Variants in MICU3 observed in about 807,000 individuals in gnomAD.
The protein encoded by MICU3 is mitochondrial calcium uptake 3, also known as calcium uptake protein 3, mitochondrial.
MICU3 carries 62 observed loss-of-function variants against 66.5 expected under a neutral mutation model. The observed-to-expected ratio is 0.93, with a 90% confidence interval of 0.76 to 1.15. MICU3 has a LOEUF of 1.15. MICU3 is among the 50% of genes most tolerant of loss of function. The pLI, the probability that MICU3 is intolerant of heterozygous loss-of-function variation, is 0.00. For synonymous variants in MICU3, 308 were observed against 240.7 expected, an observed-to-expected ratio of 1.28 and a Z score of -2.59; for missense variants, 779 against 664.4, an observed-to-expected ratio of 1.17 and a Z score of -1.90.
intron 2 of MICU3, among the ~76,000 whole-genome samples, chr8:17,065,353 C>T (rs1482244607): frequency 1.3e-5 from 2 of 152,078 alleles, no homozygotes; most frequent in African/African-American, 2.4e-5. Context: ...GGATTATTTC[C>T]ACTGGATATC....
chr8:17,067,959 A>C (rs1323231738), intron 2 of MICU3, among the ~76,000 whole-genome samples: 1 of 152,148 alleles, frequency 6.6e-6, no homozygotes, highest in African/African-American at 2.4e-5. Context: ...CTTATTTTGC[A>C]TACTTAAATA....
rs1161515096 is a variant in MICU3, at chr8:17,121,117, G to C, written c.*830G>C. ...CATGAAGCTGCTCCTGATCATAGGT[G>C]GTACACGTTAATAACACTAGTAAAA... On this transcript the variant is annotated 3_prime_UTR_variant, in exon 15 of 15. Transcript: ENST00000318063. 1 of 151,698 alleles carries C rather than the reference G, an allele frequency of 6.6e-6. No homozygotes were observed. Among genetic ancestry groups the C allele is most frequent in the Admixed American group, 6.6e-5 (1 of 15,236 alleles). The allele number at this position is 151,698 out of a possible 1,614,324, so 9.4% of individuals were successfully genotyped here.
intron 9 of MICU3, among the ~76,000 whole-genome samples, chr8:17,099,391 A>T (rs1456892361): frequency 3.3e-5 from 5 of 151,770 alleles, no homozygotes; most frequent in Non-Finnish European, 5.9e-5. Context: ...TAGAAGTTAC[A>T]CCTGAAAATA....
intron 11 of MICU3, 45 bp from the exon 12 acceptor site, chr8:17,114,048 A>ATTTT: frequency 8.7e-7 from 1 of 1,152,158 alleles, no homozygotes; most frequent in Non-Finnish European, 1.2e-6. Flanking sequence ...GATTTTAATA[A>ATTTT]ATTTGGCAAT....
downstream of MICU3, among the ~76,000 whole-genome samples, chr8:17,125,190 T>C (rs574499654): frequency 7.2e-5 from 11 of 152,244 alleles, no homozygotes; most frequent in South Asian, 2.1e-3. Context: ...TGTCTTTTTA[T>C]TGTACCTTTT....
At chr8:17,037,006 C>T (rs9942818) in intron 1 of MICU3, among the ~76,000 whole-genome samples, 4 of 152,076 alleles carry the variant, frequency 2.6e-5, no homozygotes, top group South Asian at 2.1e-4. Context: ...GCGCAGCGCC[C>T]GTGGGCTGGC....
the MICU3 span, among the ~76,000 whole-genome samples, chr8:17,134,849 C>T: frequency 6.6e-6 from 1 of 152,178 alleles, no homozygotes; most frequent in African/African-American, 2.4e-5. Context: ...TGTTAAACTC[C>T]TCCAAAAACA....
At chr8:17,137,437 G>A in the MICU3 span, among the ~76,000 whole-genome samples, 5 of 148,028 alleles carry the variant, frequency 3.4e-5, no homozygotes, top group African/African-American at 5.0e-5. Flanking sequence ...AAAACACTAC[G>A]ACAAGTTGAG....
chr8:17,056,707 A>C (rs1275376815), intron 1 of MICU3, among the ~76,000 whole-genome samples: 4 of 152,234 alleles, frequency 2.6e-5, no homozygotes, highest in African/African-American at 9.7e-5. Flanking sequence ...AAGGTATGCT[A>C]TCACAAGGGA....
chr8:17,129,416 A>G, the MICU3 span, among the ~76,000 whole-genome samples: 39 of 152,238 alleles, frequency 2.6e-4, no homozygotes, highest in Non-Finnish European at 4.9e-4. Context: ...ATAATAGCAT[A>G]ATAGGTAAAG....
intron 8 of MICU3, 96 bp from the exon 9 acceptor site, chr8:17,098,362 T>C (rs976900274): frequency 1.6e-5 from 14 of 860,530 alleles, no homozygotes; most frequent in Admixed American, 9.1e-5. Context: ...AGCTAATGTG[T>C]TTCCTTTTCA....
At chr8:17,123,948 T>TAA (rs11366018), downstream of MICU3, among the ~76,000 whole-genome samples, 2 of 139,622 alleles carry the variant, frequency 1.4e-5, no homozygotes, top group African/African-American at 5.2e-5. Context: ...CTAAAGTCTT[T>TAA]AAAAAAAAAA....
At chr8:17,046,417 G>A (rs553075837) in intron 1 of MICU3, among the ~76,000 whole-genome samples, 14 of 152,176 alleles carry the variant, frequency 9.2e-5, no homozygotes, top group African/African-American at 1.9e-4. Flanking sequence ...TGGTTTAAGC[G>A]TTTACAAACA....
At position 17,037,166 on chromosome 8, in the gene MICU3, C is replaced by G. The variant is rs538222782; in HGVS notation, c.381+9506C>G. 2.0e-5 allele frequency among the ~76,000 whole-genome samples: 3 copies of G among 152,248 alleles called. No homozygotes were observed. The South Asian group carries it at 6.2e-4, about 32-fold the overall frequency. On this transcript the variant is annotated intron_variant, in intron 1 of 14. Transcript: ENST00000318063. ...GGAACTCCAGCTGGCCCACAAGCGC[C>G]ACACGCAGCCCCAGTTCCTGCTCGC...
chr8:17,054,738 C>CTTTTTTTTTTTTTTT, intron 1 of MICU3, among the ~76,000 whole-genome samples: 1 of 122,772 alleles, frequency 8.1e-6, no homozygotes, highest in Non-Finnish European at 1.7e-5. Flanking sequence ...TTCTTTCTTT[C>CTTTTTTTTTTTTTTT]TTTTTTTTTT....
At chr8:17,102,807 A>G (rs1801383943) in intron 9 of MICU3, 1 of 151,944 alleles carries the variant, frequency 6.6e-6, no homozygotes, top group South Asian at 2.1e-4. Flanking sequence ...ATCCTCAAAG[A>G]AGTTGGTTTT....
At chr8:17,109,504 GA>G (rs1286023593) in intron 11 of MICU3, among the ~76,000 whole-genome samples, 4 of 151,752 alleles carry the variant, frequency 2.6e-5, no homozygotes, top group Non-Finnish European at 5.9e-5. Flanking sequence ...GAAGAGAGAT[GA>G]AAAAAAATTC....
intron 11 of MICU3, among the ~76,000 whole-genome samples, chr8:17,112,201 T>G (rs1287472069): frequency 6.6e-6 from 1 of 152,248 alleles, no homozygotes; most frequent in Non-Finnish European, 1.5e-5. Context: ...ATCAACATTC[T>G]TATTGAAAGT....
intron 2 of MICU3, among the ~76,000 whole-genome samples, chr8:17,066,538 T>TAG (rs1368172068): frequency 0.023 from 2,929 of 127,668 alleles, 57 homozygotes; most frequent in Non-Finnish European, 0.034. Flanking sequence ...TATATATATA[T>TAG]ATAGATTTTT....
Sources: allele counts gnomAD v4.1 joint callset (sites outside exome capture counted in the v4.1 genomes callset), GRCh38; gene constraint gnomAD v4.1.1; transcripts MANE v1.5; gene names NCBI Gene and HGNC (gene_info 2026-07-23, HGNC 2026-07-21).